RANBP2: variants seen among roughly 807,000 people sequenced by gnomAD.
RANBP2 encodes the protein RAN binding protein 2.
In RANBP2, 57 loss-of-function variants were observed where a neutral mutation model predicts 303.6. That is an observed-to-expected ratio of 0.19 (90% CI 0.15 to 0.23). The LOEUF is 0.23. Among genes scored for constraint, RANBP2 ranks in the 10% least tolerant of loss-of-function variants. The pLI is 1.00. For synonymous variants in RANBP2, 1,167 were observed against 1,301.5 expected (o/e 0.90, Z 2.23); for missense variants, 3,138 against 3,780.8 (o/e 0.83, Z 4.46).
chr2:109,523,907 C>G, the RANBP2 span, among the ~76,000 whole-genome samples: 3 of 152,172 alleles, frequency 2.0e-5, no homozygotes, highest in Non-Finnish European at 4.4e-5. Flanking sequence ...CTCTGACTGC[C>G]GTGGTTCCTA....
At chr2:109,551,242 T>C in the RANBP2 span, among the ~76,000 whole-genome samples, 2 of 152,200 alleles carry the variant, frequency 1.3e-5, no homozygotes, top group African/African-American at 4.8e-5. Flanking sequence ...AAATATGGAT[T>C]TATACAAAAG....
the RANBP2 span, among the ~76,000 whole-genome samples, chr2:109,359,799 C>A: frequency 6.6e-6 from 1 of 152,148 alleles, no homozygotes; most frequent in Admixed American, 6.5e-5. Context: ...CCCTCCCAGG[C>A]CCCTTCAGCT....
At chr2:109,394,364 AG>A in the RANBP2 span, among the ~76,000 whole-genome samples, 3 of 152,154 alleles carry the variant, frequency 2.0e-5, no homozygotes, top group Non-Finnish European at 4.4e-5. Context: ...CCCATGGACA[AG>A]ACTGCACCAT....
chr2:109,490,003 G>A, the RANBP2 span, among the ~76,000 whole-genome samples: 2 of 152,192 alleles, frequency 1.3e-5, no homozygotes, highest in Non-Finnish European at 2.9e-5. Context: ...CTCCCAAATT[G>A]CTGAGATTAC....
At chr2:109,601,883 T>C in the RANBP2 span, among the ~76,000 whole-genome samples, 1 of 152,116 alleles carries the variant, frequency 6.6e-6, no homozygotes, top group Non-Finnish European at 1.5e-5. Context: ...TTTTTCCCAA[T>C]GTTGTTAGCC....
the RANBP2 span, among the ~76,000 whole-genome samples, chr2:109,152,478 T>C: frequency 6.6e-6 from 1 of 152,242 alleles, no homozygotes; most frequent in African/African-American, 2.4e-5. Context: ...CTGATGGGCC[T>C]ACAGTGGCAT....
the RANBP2 span, chr2:108,912,534 A>G: frequency 1.9e-3 from 1,489 of 775,806 alleles, 32 homozygotes; most frequent in East Asian, 0.035. Flanking sequence ...GGGGGGCAAC[A>G]TGTCATTCAA....
the RANBP2 span, among the ~76,000 whole-genome samples, chr2:109,444,660 C>G: frequency 6.6e-6 from 1 of 152,196 alleles, no homozygotes; most frequent in Non-Finnish European, 1.5e-5. Context: ...AGGACCAGAA[C>G]TCCAAGAAGC....
At chr2:109,564,284 T>C in the RANBP2 span, 1 of 1,239,220 alleles carries the variant, frequency 8.1e-7, no homozygotes, top group South Asian at 2.7e-5. Flanking sequence ...AAAGAACACA[T>C]GCCCCATCAT....
chr2:109,559,910 C>T, the RANBP2 span, among the ~76,000 whole-genome samples: 17,880 of 132,240 alleles, frequency 0.14, 1,696 homozygotes, highest in African/African-American at 0.28. Flanking sequence ...CCAACCAATG[C>T]CTTTTTTTTT....
the RANBP2 span, among the ~76,000 whole-genome samples, chr2:109,533,980 G>A: frequency 3.3e-5 from 5 of 152,162 alleles, no homozygotes; most frequent in Admixed American, 2.0e-4. Flanking sequence ...AGGCCAGACC[G>A]GGAGGAGCCC....
the RANBP2 span, among the ~76,000 whole-genome samples, chr2:109,146,899 C>G: frequency 2.4e-3 from 249 of 103,730 alleles, 9 homozygotes; most frequent in South Asian, 3.5e-3. Context: ...CCCCCCCCCC[C>G]CCGCCCCAAT....
At chr2:108,991,602 G>A in the RANBP2 span, among the ~76,000 whole-genome samples, 3 of 152,222 alleles carry the variant, frequency 2.0e-5, no homozygotes, top group Non-Finnish European at 4.4e-5. Context: ...TGCATGGCCA[G>A]GAGTCTTATG....
At chr2:109,446,731 T>C in the RANBP2 span, among the ~76,000 whole-genome samples, 1 of 151,226 alleles carries the variant, frequency 6.6e-6, no homozygotes, top group Non-Finnish European at 1.5e-5. Flanking sequence ...GGGAGAGTAT[T>C]AGGAGGTGAG....
At chr2:109,442,406 C>G in the RANBP2 span, among the ~76,000 whole-genome samples, 2 of 151,534 alleles carry the variant, frequency 1.3e-5, no homozygotes. Context: ...AAATGAAGAT[C>G]TATACAAAGG....
At chr2:109,370,959 A>C in the RANBP2 span, among the ~76,000 whole-genome samples, 1 of 152,236 alleles carries the variant, frequency 6.6e-6, no homozygotes, top group Non-Finnish European at 1.5e-5. Flanking sequence ...TTTTCTACTT[A>C]GCTGAATTTA....
chr2:109,763,521 C>T, the RANBP2 span, among the ~76,000 whole-genome samples: 1 of 149,976 alleles, frequency 6.7e-6, no homozygotes, highest in East Asian at 2.0e-4. Flanking sequence ...AAATTAATTA[C>T]AAAACAAAAC....
At chr2:109,439,682 G>T in the RANBP2 span, among the ~76,000 whole-genome samples, 1 of 152,074 alleles carries the variant, frequency 6.6e-6, no homozygotes, top group East Asian at 1.9e-4. Flanking sequence ...GCACACTCCT[G>T]TCTGTGCTTA....
the RANBP2 span, among the ~76,000 whole-genome samples, chr2:108,935,825 G>A: frequency 1.3e-5 from 2 of 152,196 alleles, no homozygotes; most frequent in African/African-American, 4.8e-5. Context: ...TGTCCAGGGA[G>A]CCAGACATGG....
Sources: allele counts gnomAD v4.1 joint callset (sites outside exome capture counted in the v4.1 genomes callset), GRCh38; gene constraint gnomAD v4.1.1; transcripts MANE v1.5; gene names NCBI Gene and HGNC (gene_info 2026-07-23, HGNC 2026-07-21).